The following KCTD2 variants were observed in gnomAD, a reference collection of about 807,000 sequenced individuals.
KCTD2 encodes BTB/POZ domain-containing protein KCTD2.
Under a neutral mutation model 27.9 loss-of-function variants are expected in KCTD2, and 18 were observed. That is an observed-to-expected ratio of 0.64 (90% CI 0.45 to 0.96). The LOEUF is 0.96. Ranked by LOEUF, KCTD2 falls within the 40% of genes least tolerant of loss-of-function variation. The probability of loss-of-function intolerance (pLI) is 0.00; values close to 1 mark genes in which losing one functional copy is unlikely to be tolerated. For synonymous variants in KCTD2, 175 were observed against 148.4 expected, an observed-to-expected ratio of 1.18 and a Z score of -1.30; for missense variants, 280 against 348.0, an observed-to-expected ratio of 0.80 and a Z score of 1.56.
At chr17:75,038,911 A>C (rs1567986410) in intron 3 of KCTD2, 5 of 1,608,200 alleles carry the variant, frequency 3.1e-6, no homozygotes, top group Middle Eastern at 1.8e-4. Flanking sequence ...CAAGGGCCAG[A>C]GCTTCCTCCT....
intron 3 of KCTD2, among the ~76,000 whole-genome samples, chr17:75,053,604 C>G (rs2073315961): frequency 6.6e-6 from 1 of 152,088 alleles, no homozygotes; most frequent in Non-Finnish European, 1.5e-5. Flanking sequence ...CCACGCCTGA[C>G]TAATTTTTGT....
intron 3 of KCTD2, chr17:75,039,267 T>A (rs763699483): frequency 6.2e-7 from 1 of 1,614,110 alleles, no homozygotes; most frequent in East Asian, 2.2e-5. Flanking sequence ...AGCACAAGAT[T>A]TCACCTTTAA....
chr17:75,042,190 A>C, intron 3 of KCTD2: 2 of 1,613,888 alleles, frequency 1.2e-6, no homozygotes, highest in Non-Finnish European at 1.7e-6. Context: ...CCTTCTTCTC[A>C]AAGTCATCCA....
chr17:75,042,464 C>T (rs557831541), upstream of KCTD2: 6 of 1,584,252 alleles, frequency 3.8e-6, no homozygotes, highest in Non-Finnish European at 5.1e-6. Flanking sequence ...TATGTAATTC[C>T]TTAATACTGT....
chr17:75,047,527 G>A lies in KCTD2; in HGVS notation c.277G>A (p.Glu93Lys). ...GACCACCAGACAGACCTTAGGCCGG[G>A]AGCCCAAGTCATTTCTCTGCCGCCT... is the stretch of plus-strand genomic sequence containing the variant. ...FVTTRQTLGR[E>K]PKSFLCRLCC... Residue 93 changes from glutamate to lysine, a missense_variant, in exon 1 of 6, where the codon GAG becomes AAG. Physicochemically the swap from Glu to Lys is moderately conservative, Grantham distance 56 (BLOSUM62 1). Transcript: ENST00000322444. 1 of 1,611,822 alleles carries A rather than the reference G, an allele frequency of 6.2e-7. No individual in the cohort carries two copies. The highest frequency in any genetic ancestry group is 8.5e-7 in the Non-Finnish European group (1 of 1,179,590).
chr17:75,049,134 C>T, intron 1 of KCTD2, 86 bp from the exon 2 acceptor site: 1 of 772,384 alleles, frequency 1.3e-6, no homozygotes, highest in Non-Finnish European at 2.1e-6. Context: ...TCTTGGGGCG[C>T]TGACAAAGAT....
chr17:75,038,972 T>G (rs745954094), intron 3 of KCTD2: 8 of 1,614,172 alleles, frequency 5.0e-6, no homozygotes, highest in Non-Finnish European at 6.8e-6. Context: ...ATAGGGATAC[T>G]TTTTCTTGTC....
chr17:75,041,462 A>T (rs1398725122), intron 3 of KCTD2: 1 of 151,466 alleles, frequency 6.6e-6, no homozygotes, highest in Non-Finnish European at 1.5e-5. Context: ...AAAAAAAAAA[A>T]ACAAAACGAA....
chr17:75,062,073 A>G (rs2073409094), intron 4 of KCTD2, 47 bp from the exon 5 acceptor site: 3 of 1,610,376 alleles, frequency 1.9e-6, no homozygotes, highest in African/African-American at 1.3e-5. Context: ...TTTCGAAAGT[A>G]TGTTAAGATT....
At chr17:75,058,185 G>A (rs569423387) in intron 3 of KCTD2, among the ~76,000 whole-genome samples, 3 of 152,028 alleles carry the variant, frequency 2.0e-5, no homozygotes, top group Admixed American at 6.6e-5. Flanking sequence ...TTAGCCAAGC[G>A]TGGTGGTGGG....
At chr17:75,054,571 C>T (rs1268596359) in intron 3 of KCTD2, among the ~76,000 whole-genome samples, 7 of 151,908 alleles carry the variant, frequency 4.6e-5, no homozygotes, top group African/African-American at 1.5e-4. Context: ...TTTGGGAGGC[C>T]GAGACGGGCA....
At chr17:75,037,092 C>T (rs1338344221) in intron 3 of KCTD2, among the ~76,000 whole-genome samples, 1 of 152,142 alleles carries the variant, frequency 6.6e-6, no homozygotes, top group African/African-American at 2.4e-5. Flanking sequence ...CGCCTGAAAC[C>T]CCAGCACTTT....
chr17:75,042,651 T>C (rs9660), upstream of KCTD2: 274,474 of 1,597,496 alleles, frequency 0.17, 35,479 homozygotes, highest in East Asian at 0.6. Flanking sequence ...GCCCAGCCAT[T>C]TTGGGATCCT....
chr17:75,059,235 T>TATTATAAAATAATAAAGTG, intron 3 of KCTD2: 1 of 254,678 alleles, frequency 3.9e-6, no homozygotes, highest in Admixed American at 5.4e-5. Flanking sequence ...AGAATTATTT[T>TATTATAAAATAATAAAGTG]ACCTTTTTTA....
At chr17:75,056,256 T>C (rs2073349202) in intron 3 of KCTD2, among the ~76,000 whole-genome samples, 1 of 152,192 alleles carries the variant, frequency 6.6e-6, no homozygotes, top group Non-Finnish European at 1.5e-5. Flanking sequence ...TGGAATGTGA[T>C]CCAGTGTCAC....
At chr17:75,062,352 G>A in intron 5 of KCTD2, 107 bp downstream of exon 5, 1 of 1,093,262 alleles carries the variant, frequency 9.1e-7, no homozygotes. Context: ...GCCTTCTAGA[G>A]CCAGCGTTGC....
intron 3 of KCTD2, among the ~76,000 whole-genome samples, chr17:75,054,985 A>G (rs1312140765): frequency 6.6e-6 from 1 of 152,162 alleles, no homozygotes; most frequent in African/African-American, 2.4e-5. Flanking sequence ...AGATACTGGT[A>G]GTAGATGCTT....
chr17:75,065,170 G>A lies in KCTD2; in HGVS notation c.*2123G>A, dbSNP rs1339235942. 6.6e-6 allele frequency: 1 copy of A among 152,114 alleles called. No homozygotes were observed. 9.4% of individuals were successfully genotyped at this position (152,114 alleles called of 1,614,324 possible). A position where few individuals can be genotyped will look rare whatever the true frequency, so the allele number is the denominator to read the frequency against. The stretch of plus-strand genomic sequence containing the variant: ...CTTGAGCCCCAAGGCACAGGCACGT[G>A]CTCTGGGAAATAGACAGGAGTGGTA... On this transcript the variant is annotated 3_prime_UTR_variant, in exon 6 of 6. Transcript: ENST00000322444.
In KCTD2 at chr17:75,049,146, G is replaced by A. The variant is rs143257987; in HGVS notation, c.340-74G>A. On this transcript the variant is annotated intron_variant, in intron 1 of 5. Transcript: ENST00000322444. Reference sequence around the variant, plus strand: ...TTGTCTTGGGGCGCTGACAAAGATGGTGAAATCCTGCCCTGCCTTTGTTTA... The same window carrying A: ...TTGTCTTGGGGCGCTGACAAAGATGATGAAATCCTGCCCTGCCTTTGTTTA... The A allele has an allele frequency of 5.3e-5, 47 of 892,062 alleles. No homozygotes were observed. In the African/African-American group the frequency reaches 7.3e-4, roughly 14 times the overall value. 55.3% of individuals were successfully genotyped at this position (892,062 alleles called of 1,614,324 possible).
Sources: allele counts gnomAD v4.1 joint callset (sites outside exome capture counted in the v4.1 genomes callset), GRCh38; gene constraint gnomAD v4.1.1; transcripts MANE v1.5; gene names NCBI Gene and HGNC (gene_info 2026-07-23, HGNC 2026-07-21).